BBS9: variants seen among roughly 807,000 people sequenced by gnomAD.
BBS9 encodes Bardet-Biedl syndrome 9, also known as protein PTHB1.
BBS9 carries 89 observed loss-of-function variants against 117.7 expected under a neutral mutation model. That is an observed-to-expected ratio of 0.76 (90% CI 0.64 to 0.90). The LOEUF (loss-of-function observed/expected upper bound fraction) is 0.90. Among genes scored for constraint, BBS9 ranks in the 40% least tolerant of loss-of-function variants. The pLI is 0.00. For missense variants in BBS9, 982 were observed against 1,042.2 expected (o/e 0.94, Z 0.80); for synonymous variants, 379 against 370.9 (o/e 1.02, Z -0.25).
At chr7:33,384,594 T>G (rs1185424976) in intron 18 of BBS9, among the ~76,000 whole-genome samples, 1 of 152,156 alleles carries the variant, frequency 6.6e-6, no homozygotes, top group African/African-American at 2.4e-5. Flanking sequence ...ATAAACACTC[T>G]ACAGACAATA....
intron 21 of BBS9, among the ~76,000 whole-genome samples, chr7:33,545,138 A>C (rs552992608): frequency 2.8e-4 from 42 of 152,288 alleles, no homozygotes; most frequent in African/African-American, 9.9e-4. Context: ...TGTGAGAGAA[A>C]AGGGCTTTAG....
intron 9 of BBS9, among the ~76,000 whole-genome samples, chr7:33,318,009 A>C (rs999009239): frequency 6.6e-6 from 1 of 152,162 alleles, no homozygotes; most frequent in Non-Finnish European, 1.5e-5. Context: ...TCGAGATCAC[A>C]CCACTGCACT....
chr7:33,189,957 G>A (rs1783814034), intron 5 of BBS9, among the ~76,000 whole-genome samples: 4 of 151,322 alleles, frequency 2.6e-5, no homozygotes, highest in Admixed American at 1.3e-4. Flanking sequence ...CTTGGGCTCA[G>A]CCAGTATGCC....
At chr7:33,253,861 T>C (rs1424692490) in intron 5 of BBS9, among the ~76,000 whole-genome samples, 1 of 152,152 alleles carries the variant, frequency 6.6e-6, no homozygotes, top group Non-Finnish European at 1.5e-5. Context: ...CATAATAATA[T>C]GATGCGTCTG....
At chr7:33,527,123 G>A (rs996242618) in intron 20 of BBS9, among the ~76,000 whole-genome samples, 11 of 151,930 alleles carry the variant, frequency 7.2e-5, no homozygotes, top group African/African-American at 2.4e-4. Flanking sequence ...CTCCAGCTGC[G>A]TACTGGGAGA....
intron 1 of BBS9, among the ~76,000 whole-genome samples, chr7:33,135,905 A>C (rs548416217): frequency 4.6e-5 from 7 of 151,950 alleles, no homozygotes; most frequent in African/African-American, 1.7e-4. Context: ...TCTTTTGTTA[A>C]ATTTATTCCT....
chr7:33,309,544 G>T (rs1808746912), intron 9 of BBS9, among the ~76,000 whole-genome samples: 1 of 152,178 alleles, frequency 6.6e-6, no homozygotes, highest in African/African-American at 2.4e-5. Flanking sequence ...TTATTCTTTG[G>T]AACAGAGGTG....
chr7:33,427,489 G>T (rs1833820161), intron 19 of BBS9, among the ~76,000 whole-genome samples: 1 of 152,098 alleles, frequency 6.6e-6, no homozygotes, highest in South Asian at 2.1e-4. Context: ...AGTTCCTATA[G>T]ATTTCCTTTT....
At chr7:33,330,844 A>G (rs756624625) in intron 9 of BBS9, among the ~76,000 whole-genome samples, 7 of 152,218 alleles carry the variant, frequency 4.6e-5, no homozygotes, top group East Asian at 3.8e-4. Context: ...ATAATAATTC[A>G]GAGACCTTGA....
intron 20 of BBS9, among the ~76,000 whole-genome samples, chr7:33,524,165 G>A (rs1184094965): frequency 7.0e-6 from 1 of 143,346 alleles, no homozygotes; most frequent in Non-Finnish European, 1.5e-5. Flanking sequence ...ATTTTATTGA[G>A]GATTTTTGCA....
intron 19 of BBS9, among the ~76,000 whole-genome samples, chr7:33,413,115 T>C (rs920036079): frequency 6.6e-6 from 1 of 152,172 alleles, no homozygotes; most frequent in Non-Finnish European, 1.5e-5. Context: ...GTAGTTCTGA[T>C]AGCCTTCAAT....
chr7:33,280,602 C>T (rs779074399), intron 9 of BBS9, among the ~76,000 whole-genome samples: 9 of 152,066 alleles, frequency 5.9e-5, no homozygotes, highest in East Asian at 1.9e-4. Flanking sequence ...CCTAACTCTC[C>T]GACTAGATAA....
At chr7:33,283,667 T>A (rs1316533896) in intron 9 of BBS9, among the ~76,000 whole-genome samples, 3 of 152,182 alleles carry the variant, frequency 2.0e-5, no homozygotes, top group African/African-American at 7.2e-5. Context: ...GCTATGGAGA[T>A]TTTCTGTCTT....
chr7:33,267,825 C>T (rs186239637), intron 7 of BBS9, among the ~76,000 whole-genome samples: 112 of 152,170 alleles, frequency 7.4e-4, no homozygotes, highest in African/African-American at 2.6e-3. Flanking sequence ...TTGTATAATT[C>T]CATCTTTCCA....
chr7:33,269,625 C>T (rs897342070), intron 7 of BBS9, among the ~76,000 whole-genome samples: 18 of 151,792 alleles, frequency 1.2e-4, no homozygotes, highest in Admixed American at 9.9e-4. Context: ...AGAAGAGCTG[C>T]ACTTTCAGAG....
intron 1 of BBS9, among the ~76,000 whole-genome samples, chr7:33,130,559 C>A (rs1016793520): frequency 6.6e-6 from 1 of 151,980 alleles, no homozygotes; most frequent in Non-Finnish European, 1.5e-5. Context: ...AAAATGAAAC[C>A]GTATCTTACA....
chr7:33,435,023 A>G (rs1294561345), intron 19 of BBS9, among the ~76,000 whole-genome samples: 1 of 152,190 alleles, frequency 6.6e-6, no homozygotes, highest in Non-Finnish European at 1.5e-5. Context: ...TATAAAGACT[A>G]CATAAAATGA....
At chr7:33,348,832 C>T (rs1818082268) in intron 12 of BBS9, among the ~76,000 whole-genome samples, 1 of 152,122 alleles carries the variant, frequency 6.6e-6, no homozygotes, top group African/African-American at 2.4e-5. Flanking sequence ...AGCATCTTTG[C>T]ATGTACATAT....
chr7:33,232,267 A>G (rs992341213), intron 5 of BBS9, among the ~76,000 whole-genome samples: 3 of 152,122 alleles, frequency 2.0e-5, no homozygotes, highest in African/African-American at 7.2e-5. Context: ...AAGTTATATC[A>G]TTTTAAAAAT....
Sources: gnomAD v4.1 joint callset for allele counts (sites outside exome capture counted in the v4.1 genomes callset) on GRCh38, gnomAD v4.1.1 for gene constraint, MANE v1.5 for transcripts, NCBI Gene and HGNC (gene_info 2026-07-23, HGNC 2026-07-21) for gene names.